The following RNF213 variants were observed in gnomAD, a reference collection of about 807,000 sequenced individuals.
RNF213 encodes E3 ubiquitin-protein ligase RNF213.
Under a neutral mutation model 514.4 loss-of-function variants are expected in RNF213, and 341 were observed. That is an observed-to-expected ratio of 0.66 (90% CI 0.61 to 0.73). The LOEUF (loss-of-function observed/expected upper bound fraction) is 0.73. Among genes scored for constraint, RNF213 ranks in the 30% least tolerant of loss-of-function variants. RNF213 has a pLI of 0.00. For synonymous variants in RNF213, 2,655 were observed against 2,658.2 expected (o/e 1.00, Z 0.04); for missense variants, 5,767 against 6,615.6 (o/e 0.87, Z 4.45).
chr17:80,354,484 AAAG>A lies in RNF213; in HGVS notation c.10774_10776del (p.Lys3592del), dbSNP rs751939207. The A allele has an allele frequency of 6.2e-7, 1 of 1,614,078 alleles. No individual in the cohort carries two copies. The highest frequency in any genetic ancestry group is 1.3e-5 in the African/African-American group (1 of 74,918). ...CCAAGATGCGCCTCAGTGTCTTTTTAAAGAAGCAAGAAGAGAGCCAGTTTCACC... is the reference window on the plus strand; with the variant it reads ...CCAAGATGCGCCTCAGTGTCTTTTTAAAGCAAGAAGAGAGCCAGTTTCACC... On this transcript the variant is annotated inframe_deletion, in exon 36 of 68. Coordinates refer to ENST00000582970, the MANE Select transcript of RNF213 (RefSeq NM_001256071.3).
intron 13 of RNF213, among the ~76,000 whole-genome samples, chr17:80,308,748 T>C: frequency 6.6e-6 from 1 of 152,242 alleles, no homozygotes; most frequent in East Asian, 1.9e-4. Flanking sequence ...CTTGCCTTTT[T>C]TCACATCTTG....
intron 25 of RNF213, 72 bp downstream of exon 25, chr17:80,338,069 G>A: frequency 6.6e-7 from 1 of 1,506,340 alleles, no homozygotes; most frequent in East Asian, 2.5e-5. Context: ...GTACTCCCAA[G>A]AAAACGGAAA....
chr17:80,351,678 T>C lies in RNF213; in HGVS notation c.10185-7T>C, dbSNP rs766673784. The C allele has an allele frequency of 7.2e-7, 1 of 1,392,628 alleles. No individual in the cohort carries two copies. Among genetic ancestry groups the C allele is most frequent in the Admixed American group, 1.7e-5 (1 of 59,002 alleles). The allele number at this position is 1,392,628 out of a possible 1,614,324, so 86.3% of individuals were successfully genotyped here. ...AAATAGGTATTCTTTTTTTTTTCTT[T>C]AAATAGGTATTCTGTTATAAATGAA... On this transcript the variant is annotated splice_polypyrimidine_tract_variant and splice_region_variant and intron_variant, in intron 31 of 67. Coordinates refer to ENST00000582970, the MANE Select transcript of RNF213 (RefSeq NM_001256071.3).
intron 63 of RNF213, 78 bp downstream of exon 63, chr17:80,386,969 G>C: frequency 1.4e-6 from 2 of 1,389,790 alleles, no homozygotes; most frequent in Non-Finnish European, 2.0e-6. Flanking sequence ...TTTCTCGAGA[G>C]AGGGAAGCAG....
At chr17:80,268,093 C>T (rs1463960278) in intron 2 of RNF213, among the ~76,000 whole-genome samples, 2 of 151,998 alleles carry the variant, frequency 1.3e-5, no homozygotes, top group African/African-American at 4.8e-5. Flanking sequence ...AGTACCGGGG[C>T]TATAGGCATG....
chr17:80,374,976 A>G (rs2079687764), intron 50 of RNF213: 1 of 261,874 alleles, frequency 3.8e-6, no homozygotes, highest in Non-Finnish European at 7.7e-6. Flanking sequence ...TCAGATATGC[A>G]TGTGTGTTTA....
At position 80,328,330 on chromosome 17, in the gene RNF213, G is replaced by T; in HGVS notation, c.3370G>T (p.Glu1124Ter). ...NQFLDIWQLR[E>*]KSLSPQDEQC... The stretch of plus-strand genomic sequence containing the variant: ...TTATTGGTGTTCTTATTTTCCAGGG[G>T]AAAAAAGTCTTTCACCCCAGGATGA... The change falls in exon 20 of 68, where the codon GAA becomes TAA. Residue 1124 changes from glutamate (E) to a stop codon, truncating the protein, a stop_gained and splice_region_variant. Coordinates refer to ENST00000582970, the MANE Select transcript of RNF213 (RefSeq NM_001256071.3). LOFTEE classifies it high-confidence loss of function. 1 of 1,534,666 alleles carries T rather than the reference G, an allele frequency of 6.5e-7. No individual in the cohort carries two copies. The highest frequency in any genetic ancestry group is 8.7e-7 in the Non-Finnish European group (1 of 1,145,486).
Position 80,363,307 on chromosome 17 carries a change from G to A in RNF213, c.11561G>A (p.Cys3854Tyr), listed in dbSNP as rs774694349. ...EARWNHELAG[C>Y]EMTLDAFAAM... ...CGTTGGAACCATGAGCTGGCTGGAT[G>A]TGAGATGGTATGGCCCTCCTCCGCC... Residue 3854 changes from cysteine to tyrosine, a missense_variant, in exon 40 of 68, where the codon TGT becomes TAT. Cys to Tyr is a radical substitution (Grantham distance 194). Coordinates refer to ENST00000582970, the MANE Select transcript of RNF213 (RefSeq NM_001256071.3). 16 of 1,613,698 alleles carry A rather than the reference G, an allele frequency of 9.9e-6. No individual in the cohort carries two copies. Among genetic ancestry groups the A allele is most frequent in the Admixed American group, 3.3e-5 (2 of 60,002 alleles).
At chr17:80,354,289 A>ATT in intron 35 of RNF213, 123 bp downstream of exon 35, 5 of 1,492,434 alleles carry the variant, frequency 3.4e-6, no homozygotes, top group Non-Finnish European at 4.6e-6. Context: ...AGAAGCAGTG[A>ATT]CACAGTGGGA....
Position 80,313,091 on chromosome 17 carries a change from GGT to G in RNF213, c.2737_2738del (p.Trp913AlafsTer24). The stretch of plus-strand genomic sequence containing the variant: ...CAAGGGACCCTTGCTGCTACGAAAA[GGT>G]GGCTCCGAGAAGTTTTTACAAAGAA... On this transcript the variant is annotated frameshift_variant, in exon 15 of 68. Transcript: ENST00000582970. LOFTEE classifies it high-confidence loss of function. The G allele has an allele frequency of 6.2e-7, 1 of 1,613,982 alleles. No homozygotes were observed. Among genetic ancestry groups the G allele is most frequent in the Admixed American group, 1.7e-5 (1 of 60,020 alleles).
intron 35 of RNF213, 46 bp from the exon 36 acceptor site, chr17:80,354,395 A>C: frequency 6.2e-7 from 1 of 1,613,912 alleles, no homozygotes; most frequent in East Asian, 2.2e-5. Flanking sequence ...CGGAGCCAAC[A>C]GCTCAGCCAC....
chr17:80,333,283 A>T (rs1474231077), intron 21 of RNF213, among the ~76,000 whole-genome samples: 1 of 149,610 alleles, frequency 6.7e-6, no homozygotes, highest in African/African-American at 2.5e-5. Flanking sequence ...GATGGTCTCG[A>T]TCTCCTGACC....
In RNF213 at chr17:80,325,051, G is replaced by C; in HGVS notation, c.3046G>C (p.Gly1016Arg). ...ACQSQTSILQ[G>R]FSYSDLRKFG... ...GTAGTCTCAGACCAGTATCCTTCAG[G>C]GGTTCTCTTACTCTGATTTGCGGAA... is the stretch of plus-strand genomic sequence containing the variant. Residue 1016 changes from glycine (G) to arginine (R), a missense_variant, in exon 18 of 68, where the codon GGG becomes CGG. Physicochemically the swap from Gly to Arg is moderately radical, Grantham distance 125. Coordinates refer to ENST00000582970, the MANE Select transcript of RNF213 (RefSeq NM_001256071.3). 1 of 1,537,008 alleles carries C rather than the reference G, an allele frequency of 6.5e-7. No individual in the cohort carries two copies. The highest frequency in any genetic ancestry group is 8.7e-7 in the Non-Finnish European group (1 of 1,146,870).
At chr17:80,319,067 C>T in intron 16 of RNF213, 123 bp from the exon 17 acceptor site, 2 of 1,600,248 alleles carry the variant, frequency 1.2e-6, no homozygotes, top group Non-Finnish European at 1.7e-6. Context: ...CCAGGAGAAG[C>T]TTAAAATTGG....
intron 5 of RNF213, among the ~76,000 whole-genome samples, chr17:80,289,237 G>A (rs755067662): frequency 1.3e-5 from 2 of 152,174 alleles, no homozygotes; most frequent in African/African-American, 2.4e-5. Flanking sequence ...GGAAGGTCCC[G>A]AGCGGGGAAG....
chr17:80,386,188 C>T (rs112876212), intron 61 of RNF213, 62 bp from the exon 62 acceptor site: 79,008 of 1,531,870 alleles, frequency 0.052, 2,363 homozygotes, highest in Non-Finnish European at 0.061. Context: ...CTCCTCCCCA[C>T]GCCTAGATTC....
At position 80,355,651 on chromosome 17, in the gene RNF213, TGGACGG is replaced by T. The variant is rs1568123625; in HGVS notation, c.10862+1077_10862+1082del. The stretch of plus-strand genomic sequence containing the variant: ...GGGGCTTACAGGGGAAGAAGCGGGG[TGGACGG>T]GAATGGGGGCTTACAGGGGGAAGAA... On this transcript the variant is annotated intron_variant, in intron 36 of 67. Transcript: ENST00000582970. Among the ~76,000 whole-genome samples the T allele has an allele frequency of 5.5e-3, 75 of 13,756 alleles. 12 individuals carry two copies. The highest frequency in any genetic ancestry group is 7.9e-3 in the Non-Finnish European group (58 of 7,388). 9.0% of individuals were successfully genotyped at this position (13,756 alleles called of 152,430 possible). A position where few individuals can be genotyped will look rare whatever the true frequency, so the allele number is the denominator to read the frequency against.
At chr17:80,281,365 CT>C (rs200772672) in intron 3 of RNF213, among the ~76,000 whole-genome samples, 6 of 48,796 alleles carry the variant, frequency 1.2e-4, no homozygotes, top group Admixed American at 2.3e-4. Context: ...TCACACACAC[CT>C]CAACACACAC....
At chr17:80,331,452 A>G (rs1055736422) in intron 20 of RNF213, among the ~76,000 whole-genome samples, 3 of 147,882 alleles carry the variant, frequency 2.0e-5, no homozygotes, top group African/African-American at 7.5e-5. Context: ...GCAGTGACAC[A>G]GTCTCAGCTC....
Sources: gnomAD v4.1 joint callset for allele counts (sites outside exome capture counted in the v4.1 genomes callset) on GRCh38, gnomAD v4.1.1 for gene constraint, MANE v1.5 for transcripts, NCBI Gene and HGNC (gene_info 2026-07-23, HGNC 2026-07-21) for gene names.